The following EYS variants were observed in gnomAD, a reference collection of about 807,000 sequenced individuals.
The protein encoded by EYS is EGF-like photoreceptor maintenance factor, also known as protein eyes shut homolog.
EYS carries 250 observed loss-of-function variants against 282.1 expected under a neutral mutation model. The ratio of observed to expected loss-of-function variants is 0.89; its 90% confidence interval spans 0.80 to 0.98. EYS has a LOEUF of 0.98. Among genes scored for constraint, EYS ranks in the 50% least tolerant of loss-of-function variants. EYS has a pLI of 0.00. For missense variants in EYS, 4,016 were observed against 3,709.0 expected, an observed-to-expected ratio of 1.08 and a Z score of -2.15; for synonymous variants, 1,355 against 1,282.9, an observed-to-expected ratio of 1.06 and a Z score of -1.20.
chr6:64,768,799 T>C (rs1053529929), intron 22 of EYS, among the ~76,000 whole-genome samples: 1 of 152,112 alleles, frequency 6.6e-6, no homozygotes, highest in Admixed American at 6.6e-5. Context: ...TCATCCCTTA[T>C]CACAAAAAGG....
At chr6:64,127,502 T>A (rs1773824192) in intron 31 of EYS, among the ~76,000 whole-genome samples, 1 of 152,176 alleles carries the variant, frequency 6.6e-6, no homozygotes, top group South Asian at 2.1e-4. Context: ...TTCTTTTCTC[T>A]ACGGATTTGT....
At chr6:64,621,952 A>T (rs1481453603) in intron 23 of EYS, among the ~76,000 whole-genome samples, 1 of 152,188 alleles carries the variant, frequency 6.6e-6, no homozygotes, top group Non-Finnish European at 1.5e-5. Context: ...ATAACACTAT[A>T]CATGGTACTA....
chr6:65,691,377 C>A (rs545036309), intron 1 of EYS, among the ~76,000 whole-genome samples: 1 of 150,386 alleles, frequency 6.6e-6, no homozygotes, highest in Non-Finnish European at 1.5e-5. Context: ...GCATAAATAT[C>A]TTCTTTTGAG....
intron 12 of EYS, among the ~76,000 whole-genome samples, chr6:65,147,850 AC>A (rs531382808): frequency 1.2e-4 from 18 of 152,200 alleles, no homozygotes; most frequent in African/African-American, 4.1e-4. Flanking sequence ...GGAAGGGGAA[AC>A]AAAAACGGCC....
intron 37 of EYS, among the ~76,000 whole-genome samples, chr6:63,805,276 C>T (rs1279904307): frequency 6.6e-6 from 1 of 152,162 alleles, no homozygotes; most frequent in African/African-American, 2.4e-5. Context: ...TTAGCACATG[C>T]ATAACTAGTT....
At chr6:64,108,507 C>CTTTTTTTTTTTT (rs530004392) in intron 31 of EYS, among the ~76,000 whole-genome samples, 1 of 116,850 alleles carries the variant, frequency 8.6e-6, no homozygotes, top group African/African-American at 3.2e-5. Flanking sequence ...TCCACTACTG[C>CTTTTTTTTTTTT]TTTTTTTTTT....
intron 19 of EYS, among the ~76,000 whole-genome samples, chr6:64,868,380 G>A (rs977862012): frequency 1.2e-4 from 18 of 151,458 alleles, no homozygotes; most frequent in Middle Eastern, 3.4e-3. Context: ...AATGGAGAAA[G>A]CATGTAAAAT....
chr6:63,841,637 TC>T (rs1771962070), intron 36 of EYS, among the ~76,000 whole-genome samples: 1 of 152,224 alleles, frequency 6.6e-6, no homozygotes, highest in Admixed American at 6.5e-5. Context: ...TACTTTAAGT[TC>T]TGGGATACAT....
chr6:64,047,137 T>G (rs1371322309), intron 33 of EYS, among the ~76,000 whole-genome samples: 7 of 152,052 alleles, frequency 4.6e-5, no homozygotes, highest in Non-Finnish European at 8.8e-5. Flanking sequence ...CAGGTAAAGA[T>G]GTTTTTCAAT....
intron 2 of EYS, among the ~76,000 whole-genome samples, chr6:65,560,633 T>C (rs1769017349): frequency 6.6e-6 from 1 of 151,764 alleles, no homozygotes. Flanking sequence ...CAGACATAAT[T>C]CTGCATGTCT....
chr6:64,835,510 C>T (rs181302713), intron 19 of EYS, among the ~76,000 whole-genome samples: 1 of 151,616 alleles, frequency 6.6e-6, no homozygotes, highest in East Asian at 1.9e-4. Context: ...TATTTTAATA[C>T]CAAGATGACA....
intron 10 of EYS, among the ~76,000 whole-genome samples, chr6:65,341,699 G>A (rs1414126570): frequency 6.6e-6 from 1 of 151,116 alleles, no homozygotes; most frequent in African/African-American, 2.4e-5. Flanking sequence ...GTTCTTATGT[G>A]TTTGAAAATA....
Position 63,728,650 on chromosome 6 carries a change from T to C in EYS, c.8072-1970A>G, listed in dbSNP as rs970287029. Among the ~76,000 whole-genome samples the C allele has an allele frequency of 2.0e-5, 3 of 152,286 alleles. No homozygotes were observed. The South Asian group carries it at 6.2e-4, about 32-fold the overall frequency. On this transcript the variant is annotated intron_variant, in intron 41 of 42. Coordinates refer to ENST00000503581, the MANE Select transcript of EYS (RefSeq NM_001142800.2). ...CATTCTATGGATTTTGACAAATGCG[T>C]TGTGAAATTTATTTACCATTACAGT...
In EYS at chr6:63,720,934, T is replaced by G. The variant is rs940479713; in HGVS notation, c.9097A>C (p.Ser3033Arg). Residue 3033 changes from serine (S) to arginine (R), a missense_variant, in exon 43 of 43, where the codon AGC (serine) becomes CGC (arginine). Physicochemically the swap from Ser to Arg is moderately radical, Grantham distance 110. Transcript: ENST00000503581. ...NLGERISVPM[S>R]YNNGTFCCNK... ...CAACAGAATGTGCCATTGTTATAGCTCATAGGCACAGAGATTCTTTCTCCC... is the reference window on the plus strand; with the variant it reads ...CAACAGAATGTGCCATTGTTATAGCGCATAGGCACAGAGATTCTTTCTCCC... 5 of 1,551,094 alleles carry G rather than the reference T, an allele frequency of 3.2e-6. No homozygotes were observed. Among genetic ancestry groups the G allele is most frequent in the Non-Finnish European group, 4.4e-6 (5 of 1,146,672 alleles).
At chr6:65,683,288 T>A (rs929612798) in intron 1 of EYS, among the ~76,000 whole-genome samples, 5 of 151,978 alleles carry the variant, frequency 3.3e-5, no homozygotes, top group African/African-American at 1.2e-4. Flanking sequence ...AAAATTATCC[T>A]TGTCAGTTTC....
intron 22 of EYS, among the ~76,000 whole-genome samples, chr6:64,777,197 A>G (rs1773706917): frequency 6.6e-6 from 1 of 152,204 alleles, no homozygotes; most frequent in African/African-American, 2.4e-5. Flanking sequence ...GCTAAACCAT[A>G]TCAGATGTTA....
chr6:65,077,304 A>G (rs1261593840), intron 12 of EYS, among the ~76,000 whole-genome samples: 1 of 152,074 alleles, frequency 6.6e-6, no homozygotes, highest in African/African-American at 2.4e-5. Flanking sequence ...CATTTACAAG[A>G]TAGCTGCTTG....
At chr6:65,046,768 G>A (rs904436316) in intron 13 of EYS, among the ~76,000 whole-genome samples, 4 of 151,852 alleles carry the variant, frequency 2.6e-5, no homozygotes, top group Admixed American at 1.3e-4. Flanking sequence ...ATATGGTTTG[G>A]CTATGTGTTC....
intron 28 of EYS, among the ~76,000 whole-genome samples, chr6:64,389,913 T>G (rs1476647901): frequency 6.6e-6 from 1 of 151,854 alleles, no homozygotes; most frequent in Non-Finnish European, 1.5e-5. Context: ...TCAGTGGGTG[T>G]GCACACCGTG....
Sources: gnomAD v4.1 joint callset for allele counts (sites outside exome capture counted in the v4.1 genomes callset) on GRCh38, gnomAD v4.1.1 for gene constraint, MANE v1.5 for transcripts, NCBI Gene and HGNC (gene_info 2026-07-23, HGNC 2026-07-21) for gene names.